The following NR3C2 variants were observed in gnomAD, a reference collection of about 807,000 sequenced individuals.
NR3C2 encodes the protein mineralocorticoid receptor.
NR3C2 carries 15 observed loss-of-function variants against 86.4 expected under a neutral mutation model. The ratio of observed to expected loss-of-function variants is 0.17; its 90% CI spans 0.12 to 0.27. The LOEUF (loss-of-function observed/expected upper bound fraction) is 0.27. NR3C2 is among the 10% of genes least tolerant of loss of function. The probability of loss-of-function intolerance (pLI) is 1.00; values close to 1 mark genes in which losing one functional copy is unlikely to be tolerated. For missense variants in NR3C2, 960 were observed against 1,195.6 expected (o/e 0.80, Z 2.91); for synonymous variants, 458 against 450.5 (o/e 1.02, Z -0.21).
At chr4:148,189,282 C>T (rs1467140428) in intron 4 of NR3C2, among the ~76,000 whole-genome samples, 1 of 152,094 alleles carries the variant, frequency 6.6e-6, no homozygotes, top group African/African-American at 2.4e-5. Flanking sequence ...TTTTTTGCAT[C>T]TATTGAGATG....
In NR3C2 at chr4:148,118,225, T is replaced by G. The variant is rs111622537; in HGVS notation, c.2641+1933A>C. On this transcript the variant is annotated intron_variant, in intron 7 of 8. Transcript: ENST00000358102. Reference sequence around the variant, plus strand: ...CCACTAACTTCTCTCCTCCCATACTTGGTTCCAGAAGCCCAAAACAGCTTC... The same window carrying G: ...CCACTAACTTCTCTCCTCCCATACTGGGTTCCAGAAGCCCAAAACAGCTTC... 3.5e-4 allele frequency among the ~76,000 whole-genome samples: 53 copies of G among 152,298 alleles called. 1 individual carries two copies. The highest frequency in any genetic ancestry group is 1.2e-3 in the African/African-American group (50 of 41,556).
At chr4:148,198,824 T>C (rs1332203970) in intron 3 of NR3C2, among the ~76,000 whole-genome samples, 2 of 151,564 alleles carry the variant, frequency 1.3e-5, no homozygotes, top group Non-Finnish European at 2.9e-5. Flanking sequence ...CTCACGCCTG[T>C]AATCCCAGCA....
At chr4:148,169,067 C>T (rs1266067520) in intron 4 of NR3C2, among the ~76,000 whole-genome samples, 1 of 152,100 alleles carries the variant, frequency 6.6e-6, no homozygotes, top group Non-Finnish European at 1.5e-5. Context: ...CAAGTTGAAG[C>T]CCCTGAAGGC....
intron 2 of NR3C2, among the ~76,000 whole-genome samples, chr4:148,326,432 T>A (rs1352944046): frequency 6.6e-6 from 1 of 151,702 alleles, no homozygotes; most frequent in Admixed American, 6.6e-5. Context: ...AAATAAAAAA[T>A]AAAAAATAAA....
chr4:148,427,501 G>T (rs2126629703), intron 2 of NR3C2, among the ~76,000 whole-genome samples: 1 of 151,862 alleles, frequency 6.6e-6, no homozygotes, highest in East Asian at 2.0e-4. Context: ...AACCTGATGT[G>T]GAAGGTCAGA....
intron 2 of NR3C2, among the ~76,000 whole-genome samples, chr4:148,314,897 T>C (rs889580534): frequency 1.3e-5 from 2 of 152,338 alleles, no homozygotes; most frequent in Admixed American, 6.5e-5. Flanking sequence ...AATATGTTTA[T>C]AGTTTTATAT....
intron 4 of NR3C2, among the ~76,000 whole-genome samples, chr4:148,184,955 A>C (rs1219845598): frequency 6.6e-6 from 1 of 152,192 alleles, no homozygotes; most frequent in Non-Finnish European, 1.5e-5. Flanking sequence ...CCAGAGGCCC[A>C]CCATTACCAA....
intron 8 of NR3C2, among the ~76,000 whole-genome samples, chr4:148,099,169 G>A (rs1002133061): frequency 2.6e-5 from 4 of 152,224 alleles, no homozygotes; most frequent in South Asian, 2.1e-4. Flanking sequence ...GCGTAACTGC[G>A]TAATTGGTGG....
rs139959841 is a variant in NR3C2 at position 148,217,887 on chromosome 4, C to A, written c.1898-23025G>T. On this transcript the variant is annotated intron_variant, in intron 3 of 8. Coordinates refer to ENST00000358102, the MANE Select transcript of NR3C2 (RefSeq NM_000901.5). Reference sequence around the variant, plus strand: ...TGGACTGCAGCCTTCGTAATGAACCCTTGTAGCCACTAGTGAGAACTTTCA... The same window carrying A: ...TGGACTGCAGCCTTCGTAATGAACCATTGTAGCCACTAGTGAGAACTTTCA... Among the ~76,000 whole-genome samples, 20 of 152,304 alleles carry A rather than the reference C, an allele frequency of 1.3e-4. No individual in the cohort carries two copies. The East Asian group carries it at 3.7e-3, about 28-fold the overall frequency.
intron 6 of NR3C2, among the ~76,000 whole-genome samples, chr4:148,124,938 C>T (rs899823958): frequency 6.6e-6 from 1 of 152,156 alleles, no homozygotes; most frequent in Admixed American, 6.5e-5. Flanking sequence ...CATTTCTGTT[C>T]TTTTCCATAG....
Position 148,435,996 on chromosome 4 carries a change from T to G in NR3C2, c.865A>C (p.Asn289His). 6.2e-7 allele frequency: 1 copy of G among 1,614,202 alleles called. No individual in the cohort carries two copies. The highest frequency in any genetic ancestry group is 8.5e-7 in the Non-Finnish European group (1 of 1,180,040). Residue 289 changes from asparagine (N) to histidine (H), a missense_variant, in exon 2 of 9, where the codon AAT becomes CAT. Asn to His is a moderately conservative substitution (Grantham distance 68, BLOSUM62 1). Around this residue, in one of 4 missense-constraint regions of NR3C2, gnomAD observed 680 missense variants for 719.0 expected, o/e 0.95. Transcript: ENST00000358102. Reference protein sequence around the residue: ...CSVKSPVSSPNNVTLRSSVSS... With the variant: ...CSVKSPVSSPHNVTLRSSVSS... The stretch of plus-strand genomic sequence containing the variant: ...ACAGAGGATCTCAGAGTGACATTAT[T>G]GGGACTGGAGACTGGAGATTTTACA...
At chr4:148,150,293 T>A (rs1734045568) in intron 6 of NR3C2, among the ~76,000 whole-genome samples, 1 of 152,236 alleles carries the variant, frequency 6.6e-6, no homozygotes, top group Admixed American at 6.5e-5. Flanking sequence ...TTTCATCAAC[T>A]GATCTATACC....
chr4:148,391,866 CAAAAAAA>C (rs11384324), intron 2 of NR3C2, among the ~76,000 whole-genome samples: 1 of 111,720 alleles, frequency 9.0e-6, no homozygotes, highest in Non-Finnish European at 1.8e-5. Context: ...GACTCCATTG[CAAAAAAA>C]AAAAAAAAAG....
chr4:148,276,704 C>T (rs896375919), intron 2 of NR3C2, among the ~76,000 whole-genome samples: 7 of 152,086 alleles, frequency 4.6e-5, no homozygotes, highest in Non-Finnish European at 7.4e-5. Context: ...AGGCTGTTCC[C>T]GAGAAACAAA....
At position 148,124,240 on chromosome 4, in the gene NR3C2, C is replaced by T. The variant is rs201587543; in HGVS notation, c.2511-3952G>A. Among the ~76,000 whole-genome samples, 3 of 34,890 alleles carry T rather than the reference C, an allele frequency of 8.6e-5. No homozygotes were observed. The East Asian group carries it at 6.9e-3, about 81-fold the overall frequency. The allele number at this position is 34,890 out of a possible 152,430, so 22.9% of individuals were successfully genotyped here. A position where few individuals can be genotyped will look rare whatever the true frequency, so the allele number is the denominator to read the frequency against. ...ACAGAGTGAGACTCCATCCCAAAAC[C>T]AAACCAAACCAAACCAAACCAAACC... On this transcript the variant is annotated intron_variant, in intron 6 of 8. Coordinates refer to ENST00000358102, the MANE Select transcript of NR3C2 (RefSeq NM_000901.5).
chr4:148,388,784 G>C (rs1397245427), intron 2 of NR3C2, among the ~76,000 whole-genome samples: 1 of 152,116 alleles, frequency 6.6e-6, no homozygotes, highest in Non-Finnish European at 1.5e-5. Context: ...CAATTGGAAA[G>C]TACTCTTTAG....
intron 8 of NR3C2, among the ~76,000 whole-genome samples, chr4:148,091,225 G>A (rs1265950038): frequency 1.3e-5 from 2 of 152,258 alleles, no homozygotes; most frequent in Non-Finnish European, 2.9e-5. Flanking sequence ...GAGAATCCAA[G>A]CGGGGGCCCC....
intron 2 of NR3C2, among the ~76,000 whole-genome samples, chr4:148,320,006 C>T (rs181149884): frequency 6.8e-6 from 1 of 147,824 alleles, no homozygotes; most frequent in East Asian, 2.0e-4. Context: ...ATGATATTGG[C>T]TGTGGGTTTT....
chr4:148,298,521 C>T (rs566136903), intron 2 of NR3C2, among the ~76,000 whole-genome samples: 31 of 152,326 alleles, frequency 2.0e-4, no homozygotes, highest in Middle Eastern at 6.8e-3. Flanking sequence ...TTACTTTCCT[C>T]TTTACCAGTG....
Sources: allele counts gnomAD v4.1 joint callset (sites outside exome capture counted in the v4.1 genomes callset), GRCh38; gene constraint gnomAD v4.1.1; regional missense constraint gnomAD v4.1.1; transcripts MANE v1.5; gene names NCBI Gene and HGNC (gene_info 2026-07-23, HGNC 2026-07-21).